Variants in TLE3 observed in about 807,000 individuals in gnomAD.
The protein encoded by TLE3 is transducin-like enhancer protein 3.
A neutral mutation model predicts 93.0 loss-of-function variants in TLE3; 14 were observed. That is an observed-to-expected ratio of 0.15 (90% CI 0.10 to 0.24). The LOEUF is 0.24. TLE3 is among the 10% of genes least tolerant of loss of function. TLE3 has a pLI of 1.00. For synonymous variants in TLE3, 451 were observed against 425.0 expected (o/e 1.06, Z -0.75); for missense variants, 693 against 1,046.6 (o/e 0.66, Z 4.66).
At chr15:70,079,447 A>T (rs1254358215) in intron 4 of TLE3, 3 of 428,380 alleles carry the variant, frequency 7.0e-6, no homozygotes, top group Non-Finnish European at 1.4e-5. Flanking sequence ...ACGTAAACCC[A>T]GCCCCTCCCC....
In TLE3 at chr15:70,097,812, A is replaced by C. The variant is rs758635860; in HGVS notation, c.-1014T>G. 3.2e-5 allele frequency: 7 copies of C among 221,498 alleles called. No individual in the cohort carries two copies. Among genetic ancestry groups the C allele is most frequent in the Non-Finnish European group, 4.2e-5 (6 of 141,304 alleles). The allele number at this position is 221,498 out of a possible 1,614,324, so 13.7% of individuals were successfully genotyped here. On this transcript the variant is annotated 5_prime_UTR_variant, in exon 1 of 20. Coordinates refer to ENST00000451782, the MANE Select transcript of TLE3 (RefSeq NM_001105192.3). ...CACACGCGCGCACGCACACACACAC[A>C]CACCAAAAAAAAAAGTGCCCCGGAC...
At chr15:70,074,496 T>C (rs370155149) in intron 6 of TLE3, 37 bp downstream of exon 6, 6 of 1,597,286 alleles carry the variant, frequency 3.8e-6, no homozygotes, top group South Asian at 1.1e-5. Context: ...AAAAGGGCTA[T>C]ACACACGGTA....
rs1309885347 is a variant in TLE3, at chr15:70,094,478, CAT to C, written c.234+52_234+53del. On this transcript the variant is annotated intron_variant, in intron 4 of 19. Coordinates refer to ENST00000451782, the MANE Select transcript of TLE3 (RefSeq NM_001105192.3). Reference sequence around the variant, plus strand: ...AACAAGAGAGAACATAAGAAGTCCACATATATAAGTTTTTAAAAAATGAAATA... The same window carrying C: ...AACAAGAGAGAACATAAGAAGTCCACATATAAGTTTTTAAAAAATGAAATA... The C allele has an allele frequency of 9.7e-6, 13 of 1,334,096 alleles. No homozygotes were observed. The African/African-American group carries it at 1.8e-4, about 18-fold the overall frequency. The allele number at this position is 1,334,096 out of a possible 1,614,324, so 82.6% of individuals were successfully genotyped here. A position where few individuals can be genotyped will look rare whatever the true frequency, so the allele number is the denominator to read the frequency against.
At chr15:70,091,391 C>T (rs1428420187) in intron 4 of TLE3, among the ~76,000 whole-genome samples, 1 of 152,140 alleles carries the variant, frequency 6.6e-6, no homozygotes, top group Non-Finnish European at 1.5e-5. Context: ...TTTAAGCTGG[C>T]TTTGTTATTT....
In TLE3 at chr15:70,052,163, A is replaced by T. The variant is rs941784837; in HGVS notation, c.2125+211T>A. 5.3e-5 allele frequency among the ~76,000 whole-genome samples: 8 copies of T among 152,362 alleles called. No homozygotes were observed. The East Asian group carries it at 1.5e-3, about 29-fold the overall frequency. On this transcript the variant is annotated intron_variant, in intron 18 of 19. Coordinates refer to ENST00000451782, the MANE Select transcript of TLE3 (RefSeq NM_001105192.3). Reference sequence around the variant, plus strand: ...TCTGGCCTAGTGTCCTGAGAGTTCAATAACTCATGGTGACATCTGCATCCG... The same window carrying T: ...TCTGGCCTAGTGTCCTGAGAGTTCATTAACTCATGGTGACATCTGCATCCG...
intron 16 of TLE3, chr15:70,054,139 G>T: frequency 3.3e-6 from 1 of 306,490 alleles, no homozygotes; most frequent in Non-Finnish European, 6.0e-6. Flanking sequence ...CTGGTCTCTG[G>T]GGCTCTGCTC....
intron 4 of TLE3, among the ~76,000 whole-genome samples, chr15:70,084,581 T>G (rs1026555889): frequency 1.3e-5 from 2 of 152,298 alleles, no homozygotes; most frequent in South Asian, 2.1e-4. Context: ...CATCTTGATA[T>G]AGCCTATGGA....
chr15:70,087,659 G>A (rs2058093134), intron 4 of TLE3, among the ~76,000 whole-genome samples: 2 of 152,226 alleles, frequency 1.3e-5, no homozygotes, highest in African/African-American at 2.4e-5. Flanking sequence ...GCCTGGGAGA[G>A]AACAGGACAA....
intron 14 of TLE3, 98 bp downstream of exon 14, chr15:70,056,200 C>A: frequency 3.0e-6 from 4 of 1,334,206 alleles, no homozygotes; most frequent in Non-Finnish European, 3.2e-6. Context: ...CCAGGGCAAA[C>A]CCTTGGTCAG....
chr15:70,079,740 GA>G (rs1567036072), intron 4 of TLE3, among the ~76,000 whole-genome samples: 1 of 152,006 alleles, frequency 6.6e-6, no homozygotes, highest in Non-Finnish European at 1.5e-5. Context: ...TGGCTTAACA[GA>G]AGCCCTCCTA....
chr15:70,082,741 G>A (rs2057844536), intron 4 of TLE3, among the ~76,000 whole-genome samples: 2 of 152,202 alleles, frequency 1.3e-5, no homozygotes, highest in Admixed American at 1.3e-4. Flanking sequence ...GCCTGAGCCG[G>A]CCTGTGAGGA....
Position 70,058,091 on chromosome 15 carries a change from C to A in TLE3, c.1051+68G>T, listed in dbSNP as rs898934977. The A allele has an allele frequency of 1.2e-6, 2 of 1,608,688 alleles. No individual in the cohort carries two copies. The highest frequency in any genetic ancestry group is 1.7e-4 in the Middle Eastern group (1 of 6,016). ...ATCCCATGCGTGTGTGTCACCCCTG[C>A]CCTGGCCAAGAGCAGACCCCCTCCC... On this transcript the variant is annotated intron_variant, in intron 12 of 19. Coordinates refer to ENST00000451782, the MANE Select transcript of TLE3 (RefSeq NM_001105192.3). This position sits in a 1 kb window ranked among gnomAD's most constrained non-coding sequence, Gnocchi z 4.1.
chr15:70,070,404 G>A (rs775826561), intron 6 of TLE3, among the ~76,000 whole-genome samples: 48 of 152,226 alleles, frequency 3.2e-4, no homozygotes, highest in Non-Finnish European at 6.0e-4. Context: ...TGGGTTGAAC[G>A]TAGTGAAGTT....
intron 8 of TLE3, among the ~76,000 whole-genome samples, chr15:70,061,999 A>G (rs1246863110): frequency 2.0e-5 from 3 of 152,200 alleles, no homozygotes; most frequent in African/African-American, 7.2e-5. Context: ...GCTCAGGGGC[A>G]AGGGCCACTT....
At chr15:70,071,344 T>C (rs1384190151) in intron 6 of TLE3, among the ~76,000 whole-genome samples, 1 of 152,080 alleles carries the variant, frequency 6.6e-6, no homozygotes, top group Non-Finnish European at 1.5e-5. Context: ...GACACTTGAG[T>C]TCCCTGTGGT....
At chr15:70,076,230 A>T in intron 4 of TLE3, 72 bp from the exon 5 acceptor site, 1 of 1,372,786 alleles carries the variant, frequency 7.3e-7, no homozygotes, top group Admixed American at 1.8e-5. Flanking sequence ...AGGCAAGTGG[A>T]AATGCAAACT....
chr15:70,060,750 G>A (rs778544595), intron 8 of TLE3, 101 bp from the exon 9 acceptor site: 2 of 1,557,942 alleles, frequency 1.3e-6, no homozygotes, highest in Non-Finnish European at 8.7e-7. Flanking sequence ...GGTCAGGGGA[G>A]GGAAGAGAAG....
Position 70,051,486 on chromosome 15 carries a change from G to A in TLE3, c.2126-19C>T, listed in dbSNP as rs576030327. 1.9e-6 allele frequency: 3 copies of A among 1,595,124 alleles called. No individual in the cohort carries two copies. Among genetic ancestry groups the A allele is most frequent in the Non-Finnish European group, 2.6e-6 (3 of 1,170,262 alleles). ...CACTTGCCTGCAGGTGGGAGGCAAAGGCATGATCAGGTTGTAGCTCACTGC... is the reference window on the plus strand; with the variant it reads ...CACTTGCCTGCAGGTGGGAGGCAAAAGCATGATCAGGTTGTAGCTCACTGC... On this transcript the variant is annotated intron_variant, in intron 18 of 19. Coordinates refer to ENST00000451782, the MANE Select transcript of TLE3 (RefSeq NM_001105192.3).
chr15:70,067,121 A>C (rs1475307255), intron 6 of TLE3, among the ~76,000 whole-genome samples: 1 of 152,130 alleles, frequency 6.6e-6, no homozygotes, highest in East Asian at 1.9e-4. Flanking sequence ...ACAACAATGC[A>C]ATTCTCCCTG....
Sources: gnomAD v4.1 joint callset for allele counts (sites outside exome capture counted in the v4.1 genomes callset) on GRCh38, gnomAD v4.1.1 for gene constraint, Gnocchi (gnomAD v3.1) non-coding constraint, MANE v1.5 for transcripts, NCBI Gene and HGNC (gene_info 2026-07-23, HGNC 2026-07-21) for gene names.